The following STK33 variants were observed in gnomAD, a reference collection of about 807,000 sequenced individuals.
The protein encoded by STK33 is serine/threonine-protein kinase 33.
A neutral mutation model predicts 58.0 loss-of-function variants in STK33; 52 were observed. The observed-to-expected ratio is 0.90, with a 90% confidence interval of 0.72 to 1.13. The LOEUF is 1.13. Among genes scored for constraint, STK33 ranks in the 50% most tolerant of loss-of-function variants. STK33 has a pLI of 0.00. For synonymous variants in STK33, 215 were observed against 200.1 expected (o/e 1.07, Z -0.63); for missense variants, 630 against 604.2 (o/e 1.04, Z -0.45).
intron 1 of STK33, among the ~76,000 whole-genome samples, chr11:8,495,463 G>A (rs1950986675): frequency 6.6e-6 from 1 of 152,208 alleles, no homozygotes; most frequent in Non-Finnish European, 1.5e-5. Flanking sequence ...TACTGGAGAG[G>A]ATGTGGAGAA....
chr11:8,416,280 C>A lies in STK33; in HGVS notation c.1147-2588G>T, dbSNP rs12808779. On this transcript the variant is annotated intron_variant, in intron 14 of 15. Coordinates refer to ENST00000687296, the MANE Select transcript of STK33 (RefSeq NM_001352389.2). ...TATTTGCCAAGGCATAAAAAAGATG[C>A]TCCCTCTGTCTTATAAGTTATATGG... 2.0e-3 allele frequency among the ~76,000 whole-genome samples: 299 copies of A among 152,144 alleles called. 1 individual carries two copies. Among genetic ancestry groups the A allele is most frequent in the Admixed American group, 5.0e-3 (76 of 15,266 alleles).
At chr11:8,448,993 A>G (rs1408697751) in intron 11 of STK33, among the ~76,000 whole-genome samples, 3 of 151,814 alleles carry the variant, frequency 2.0e-5, no homozygotes. Flanking sequence ...GACACTTCTC[A>G]AAAGAAGACA....
intron 1 of STK33, among the ~76,000 whole-genome samples, chr11:8,523,898 G>A (rs1442861858): frequency 1.3e-5 from 2 of 152,260 alleles, no homozygotes; most frequent in South Asian, 4.1e-4. Flanking sequence ...GTGGGAAAAA[G>A]AAAGAGATCG....
At chr11:8,379,320 T>A in the STK33 span, among the ~76,000 whole-genome samples, 1 of 152,248 alleles carries the variant, frequency 6.6e-6, no homozygotes, top group Middle Eastern at 3.4e-3. Context: ...AAAAGGCTTC[T>A]GCACAGCAGA....
chr11:8,589,665 A>T (rs987420636), intron 1 of STK33, among the ~76,000 whole-genome samples: 5 of 152,192 alleles, frequency 3.3e-5, no homozygotes, highest in African/African-American at 1.2e-4. Flanking sequence ...TATCTCAATA[A>T]AAAAAGTGAG....
chr11:8,377,914 T>C, the STK33 span, among the ~76,000 whole-genome samples: 2 of 152,150 alleles, frequency 1.3e-5, no homozygotes, highest in African/African-American at 4.8e-5. Context: ...AAAAGATCCC[T>C]ACAAAGAGAA....
chr11:8,484,761 T>C (rs1386404851), intron 1 of STK33, among the ~76,000 whole-genome samples: 1 of 152,212 alleles, frequency 6.6e-6, no homozygotes, highest in Non-Finnish European at 1.5e-5. Flanking sequence ...GGCATCTGTA[T>C]CCACAGATTT....
At chr11:8,569,209 T>A (rs1295933244) in intron 1 of STK33, among the ~76,000 whole-genome samples, 2 of 152,068 alleles carry the variant, frequency 1.3e-5, no homozygotes, top group Non-Finnish European at 2.9e-5. Flanking sequence ...TCTTGAAAAA[T>A]AACAAAATTG....
intron 1 of STK33, among the ~76,000 whole-genome samples, chr11:8,516,736 T>C (rs994514104): frequency 3.3e-5 from 5 of 152,210 alleles, no homozygotes; most frequent in Non-Finnish European, 5.9e-5. Flanking sequence ...CACTCACTGC[T>C]AGCACAGTGG....
intron 6 of STK33, chr11:8,466,655 T>C (rs1012369548): frequency 1.3e-5 from 2 of 152,172 alleles, no homozygotes; most frequent in Admixed American, 1.3e-4. Flanking sequence ...GATCTACTAT[T>C]CTAGGGTCTG....
intron 1 of STK33, among the ~76,000 whole-genome samples, chr11:8,529,111 C>T (rs575719592): frequency 6.6e-6 from 1 of 152,314 alleles, no homozygotes; most frequent in South Asian, 2.1e-4. Flanking sequence ...CTGATTCCGT[C>T]TTGTTCTTAA....
the STK33 span, among the ~76,000 whole-genome samples, chr11:8,345,595 C>G: frequency 3.3e-5 from 5 of 152,160 alleles, no homozygotes; most frequent in Admixed American, 2.0e-4. Context: ...GAACGTGGCT[C>G]CTCCCTGGGA....
rs184369533 is a variant in STK33 at position 8,553,124 on chromosome 11, C to T, written c.-466+40959G>A. Among the ~76,000 whole-genome samples the T allele has an allele frequency of 3.5e-5, 5 of 143,694 alleles. No individual in the cohort carries two copies. In the Admixed American group the frequency reaches 3.5e-4, roughly 10 times the overall value. The allele number at this position is 143,694 out of a possible 152,430, so 94.3% of individuals were successfully genotyped here. A position where few individuals can be genotyped will look rare whatever the true frequency, so the allele number is the denominator to read the frequency against. On this transcript the variant is annotated intron_variant, in intron 1 of 15. Coordinates refer to ENST00000687296, the MANE Select transcript of STK33 (RefSeq NM_001352389.2). ...AGTAAGCTATGCTGAAGCCACTGTA[C>T]TCTAGCGTGGGTAACAGAGGGAGAC...
chr11:8,415,630 G>A (rs1340944841), intron 14 of STK33, among the ~76,000 whole-genome samples: 1 of 152,040 alleles, frequency 6.6e-6, no homozygotes, highest in Non-Finnish European at 1.5e-5. Context: ...GGTGTCATTT[G>A]TCATCACCCA....
At chr11:8,385,799 G>C in the STK33 span, among the ~76,000 whole-genome samples, 5 of 151,228 alleles carry the variant, frequency 3.3e-5, no homozygotes, top group Non-Finnish European at 7.4e-5. Context: ...TTTTGAGATG[G>C]AGTCTCGCTC....
chr11:8,475,058 A>C lies in STK33; in HGVS notation c.-153T>G. On this transcript the variant is annotated 5_prime_UTR_variant, in exon 5 of 16. Transcript: ENST00000687296. ...AAGGATGCACTAGACACATATTCAC[A>C]CGTGAGAGCTGCAGAAAGAAAAGAA... 1.8e-6 allele frequency: 1 copy of C among 558,254 alleles called. No individual in the cohort carries two copies. The highest frequency in any genetic ancestry group is 3.0e-6 in the Non-Finnish European group (1 of 329,414). The allele number at this position is 558,254 out of a possible 1,614,324, so 34.6% of individuals were successfully genotyped here.
chr11:8,395,096 T>C (rs1025168464), intron 15 of STK33, among the ~76,000 whole-genome samples: 29 of 152,290 alleles, frequency 1.9e-4, no homozygotes, highest in African/African-American at 6.5e-4. Context: ...TTTCCATTGG[T>C]TGCAGGTCAA....
intron 1 of STK33, among the ~76,000 whole-genome samples, chr11:8,571,605 G>A (rs1365068386): frequency 1.3e-5 from 2 of 152,086 alleles, no homozygotes; most frequent in African/African-American, 2.4e-5. Context: ...AGGCTGAGGC[G>A]GGTGGATCAC....
At chr11:8,520,344 C>G (rs1953289735) in intron 1 of STK33, among the ~76,000 whole-genome samples, 1 of 152,164 alleles carries the variant, frequency 6.6e-6, no homozygotes, top group Non-Finnish European at 1.5e-5. Context: ...GGACATATCT[C>G]AAAATAATAA....
Sources: gnomAD v4.1 joint callset for allele counts (sites outside exome capture counted in the v4.1 genomes callset) on GRCh38, gnomAD v4.1.1 for gene constraint, MANE v1.5 for transcripts, NCBI Gene and HGNC (gene_info 2026-07-23, HGNC 2026-07-21) for gene names.